Variants in ATP11A observed in about 807,000 individuals in gnomAD.
ATP11A encodes phospholipid-transporting ATPase IH.
In ATP11A, 81 loss-of-function variants were observed where a neutral mutation model predicts 154.4. The ratio of observed to expected loss-of-function variants is 0.52; its 90% CI spans 0.44 to 0.63. The LOEUF (loss-of-function observed/expected upper bound fraction) is 0.63, where lower values mean the gene tolerates loss of function less well. Among genes scored for constraint, ATP11A ranks in the 30% least tolerant of loss-of-function variants. The probability of loss-of-function intolerance (pLI) is 0.00; values close to 1 mark genes in which losing one functional copy is unlikely to be tolerated. For missense variants in ATP11A, 1,316 were observed against 1,474.3 expected, an observed-to-expected ratio of 0.89 and a Z score of 1.76; for synonymous variants, 623 against 585.9, an observed-to-expected ratio of 1.06 and a Z score of -0.91.
At chr13:112,702,672 C>A (rs1265267866) in intron 1 of ATP11A, among the ~76,000 whole-genome samples, 4 of 152,258 alleles carry the variant, frequency 2.6e-5, no homozygotes, top group Admixed American at 6.5e-5. Flanking sequence ...TGATATCTAT[C>A]CCCTCTCAGG....
intron 18 of ATP11A, among the ~76,000 whole-genome samples, chr13:112,853,549 G>C (rs761491311): frequency 6.6e-6 from 1 of 152,192 alleles, no homozygotes. Flanking sequence ...TTTGACCCCA[G>C]ATCTCCCAAG....
At chr13:112,881,757 A>AC in intron 29 of ATP11A, 119 bp from the exon 30 acceptor site, 6 of 1,340,626 alleles carry the variant, frequency 4.5e-6, no homozygotes, top group Non-Finnish European at 5.0e-6. Flanking sequence ...GGCTCAGGTC[A>AC]CCCCAGGCAG....
At chr13:112,719,823 A>C (rs776444122) in intron 1 of ATP11A, among the ~76,000 whole-genome samples, 1 of 152,012 alleles carries the variant, frequency 6.6e-6, no homozygotes, top group Admixed American at 6.6e-5. Flanking sequence ...AGCAGGAGCA[A>C]CTCCATTCCT....
At position 112,878,418 on chromosome 13, in the gene ATP11A, G is replaced by C; in HGVS notation, c.*9+115G>C. On this transcript the variant is annotated intron_variant, in intron 29 of 29. Transcript: ENST00000375645. ...CTGACGCAGCGTCCACCAGGCGCTG[G>C]GTACAGCAGCCTCACGTCGGGAAGT... 4 of 1,117,664 alleles carry C rather than the reference G, an allele frequency of 3.6e-6. No individual in the cohort carries two copies. The South Asian group carries it at 5.1e-5, about 14-fold the overall frequency. The allele number at this position is 1,117,664 out of a possible 1,614,324, so 69.2% of individuals were successfully genotyped here. A position where few individuals can be genotyped will look rare whatever the true frequency, so the allele number is the denominator to read the frequency against.
intron 1 of ATP11A, among the ~76,000 whole-genome samples, chr13:112,776,656 C>T (rs894019083): frequency 2.6e-5 from 4 of 152,150 alleles, no homozygotes; most frequent in African/African-American, 9.7e-5. Context: ...AATGCAGTGG[C>T]ACTGTCCTGG....
intron 1 of ATP11A, among the ~76,000 whole-genome samples, chr13:112,723,694 A>G (rs951414138): frequency 4.6e-5 from 7 of 152,096 alleles, no homozygotes; most frequent in Admixed American, 3.3e-4. Flanking sequence ...CTGGGAGCTC[A>G]GTTTTTAAGA....
At chr13:112,787,205 A>G (rs1472046650) in intron 2 of ATP11A, among the ~76,000 whole-genome samples, 362 of 83,996 alleles carry the variant, frequency 4.3e-3, no homozygotes, top group Middle Eastern at 0.042. Context: ...ATTCACACCA[A>G]GTGTCCTGAT....
chr13:112,871,684 G>GA (rs747828834), intron 25 of ATP11A, 51 bp from the exon 26 acceptor site: 940 of 1,525,538 alleles, frequency 6.2e-4, no homozygotes, highest in Middle Eastern at 8.6e-4. Flanking sequence ...TTGTGAAAGA[G>GA]AAAAAAAAAT....
At chr13:112,861,179 A>T (rs1167372264) in intron 24 of ATP11A, among the ~76,000 whole-genome samples, 1 of 152,160 alleles carries the variant, frequency 6.6e-6, no homozygotes, top group Admixed American at 6.6e-5. Flanking sequence ...ACAACATGGG[A>T]AAAAACCACC....
chr13:112,886,590 TTG>T lies in ATP11A; in HGVS notation c.*4728_*4729del, dbSNP rs1214014420. On this transcript the variant is annotated 3_prime_UTR_variant, in exon 30 of 30. Coordinates refer to ENST00000375645, the MANE Select transcript of ATP11A (RefSeq NM_015205.3). ...AACTGGAATGAAAATCTTTCTGATG[TTG>T]TGTCTATAAGCAGCCTTGATGGGAT... The T allele has an allele frequency of 1.3e-5, 2 of 152,558 alleles. No individual in the cohort carries two copies. The highest frequency in any genetic ancestry group is 4.8e-5 in the African/African-American group (2 of 41,442). 9.5% of individuals were successfully genotyped at this position (152,558 alleles called of 1,614,324 possible).
At chr13:112,820,878 C>T (rs2078780334) in intron 8 of ATP11A, among the ~76,000 whole-genome samples, 1 of 152,184 alleles carries the variant, frequency 6.6e-6, no homozygotes, top group Non-Finnish European at 1.5e-5. Context: ...AACACACTCA[C>T]TGGGAAACTA....
intron 1 of ATP11A, among the ~76,000 whole-genome samples, chr13:112,765,792 C>T (rs1447098089): frequency 6.6e-6 from 1 of 152,252 alleles, no homozygotes; most frequent in Non-Finnish European, 1.5e-5. Flanking sequence ...CTGAAAGATG[C>T]TCACGAATAA....
At position 112,883,550 on chromosome 13, in the gene ATP11A, A is replaced by G; in HGVS notation, c.*1684A>G. ...TCAGATTTCACCATTTGATTGTATA[A>G]TCTTTTACCTATAAAATATTTATTT... On this transcript the variant is annotated 3_prime_UTR_variant, in exon 30 of 30. Transcript: ENST00000375645. 1 of 199,418 alleles carries G rather than the reference A, an allele frequency of 5.0e-6. No homozygotes were observed. Among genetic ancestry groups the G allele is most frequent in the Middle Eastern group, 1.8e-3 (1 of 568 alleles). 12.4% of individuals were successfully genotyped at this position (199,418 alleles called of 1,614,324 possible).
At chr13:112,739,301 G>T (rs9604415) in intron 1 of ATP11A, among the ~76,000 whole-genome samples, 28,286 of 152,046 alleles carry the variant, frequency 0.19, 2,891 homozygotes, top group African/African-American at 0.27. Flanking sequence ...TCTAACCGTG[G>T]GCAAAAGATT....
chr13:112,880,451 C>T (rs1566610517), intron 29 of ATP11A: 2 of 1,089,888 alleles, frequency 1.8e-6, no homozygotes, highest in South Asian at 1.6e-5. Flanking sequence ...GAGCCTCTTC[C>T]TGCTGGGGTC....
rs1211103248 is a variant in ATP11A at position 112,859,618 on chromosome 13, AG to A, written c.2727+172del. 1.4e-5 allele frequency among the ~76,000 whole-genome samples: 2 copies of A among 147,088 alleles called. No homozygotes were observed. The highest frequency in any genetic ancestry group is 1.5e-5 in the Non-Finnish European group (1 of 66,680). On this transcript the variant is annotated intron_variant, in intron 23 of 29. Transcript: ENST00000375645. The surrounding 1 kb of genome is among the most constrained non-coding windows in gnomAD (Gnocchi z 4.3). Reference sequence around the variant, plus strand: ...CGGGGGTGAAGGGTCGGGCCTGGGGAGGGGGGCCACGGAGCTGAGGAGTTGC... The same window carrying A: ...CGGGGGTGAAGGGTCGGGCCTGGGGAGGGGGCCACGGAGCTGAGGAGTTGC...
chr13:112,709,927 C>A (rs117119219), intron 1 of ATP11A, among the ~76,000 whole-genome samples: 119 of 152,396 alleles, frequency 7.8e-4, no homozygotes, highest in African/African-American at 2.6e-3. Context: ...CCCAGTTAGG[C>A]CGCGCTGCTC....
At chr13:112,723,570 C>A (rs1260965071) in intron 1 of ATP11A, among the ~76,000 whole-genome samples, 1 of 151,058 alleles carries the variant, frequency 6.6e-6, no homozygotes, top group African/African-American at 2.4e-5. Flanking sequence ...CCGTGCCTGG[C>A]CAGAGTGTAT....
At chr13:112,720,231 A>G (rs1180127643) in intron 1 of ATP11A, among the ~76,000 whole-genome samples, 1 of 152,256 alleles carries the variant, frequency 6.6e-6, no homozygotes, top group Admixed American at 6.5e-5. Context: ...AGGCAAAGCC[A>G]CAAATCGGTA....
Sources: allele counts gnomAD v4.1 joint callset (sites outside exome capture counted in the v4.1 genomes callset), GRCh38; gene constraint gnomAD v4.1.1; non-coding constraint Gnocchi (gnomAD v3.1); transcripts MANE v1.5; gene names NCBI Gene and HGNC (gene_info 2026-07-23, HGNC 2026-07-21).